The following ELAVL2 variants were observed in gnomAD, a reference collection of about 807,000 sequenced individuals.
ELAVL2 encodes ELAV-like protein 2.
Under a neutral mutation model 34.6 loss-of-function variants are expected in ELAVL2, and 4 were observed. The ratio of observed to expected loss-of-function variants is 0.12; its 90% CI spans 0.06 to 0.26. ELAVL2 has a LOEUF of 0.26. Ranked by LOEUF, ELAVL2 falls within the 10% of genes least tolerant of loss-of-function variation. The pLI, the probability that ELAVL2 is intolerant of heterozygous loss-of-function variation, is 1.00. For synonymous variants in ELAVL2, 193 were observed against 154.8 expected (o/e 1.25, Z -1.83); for missense variants, 432 against 442.8 (o/e 0.98, Z 0.22).
chr9:23,778,539 T>A (rs892915823), intron 1 of ELAVL2, among the ~76,000 whole-genome samples: 2 of 152,298 alleles, frequency 1.3e-5, no homozygotes, highest in Admixed American at 6.5e-5. Flanking sequence ...TGGGGTGCCT[T>A]CTTTCCAGCT....
At chr9:23,716,582 T>C (rs953209986) in intron 3 of ELAVL2, among the ~76,000 whole-genome samples, 11 of 152,322 alleles carry the variant, frequency 7.2e-5, no homozygotes, top group Admixed American at 2.0e-4. Flanking sequence ...CTGTCTCTTA[T>C]AAGCAATAGA....
intron 1 of ELAVL2, among the ~76,000 whole-genome samples, chr9:23,773,444 T>C (rs1210895355): frequency 2.6e-5 from 4 of 152,150 alleles, no homozygotes; most frequent in South Asian, 2.1e-4. Context: ...CAAGTTGTCT[T>C]AGTATCATTC....
chr9:23,747,233 A>G (rs2050729951), intron 2 of ELAVL2, among the ~76,000 whole-genome samples: 1 of 152,138 alleles, frequency 6.6e-6, no homozygotes, highest in Non-Finnish European at 1.5e-5. Context: ...AGCCATGGAT[A>G]ATGTGGACAA....
intron 2 of ELAVL2, among the ~76,000 whole-genome samples, chr9:23,738,865 G>A (rs1239081883): frequency 6.6e-6 from 1 of 152,046 alleles, no homozygotes; most frequent in Non-Finnish European, 1.5e-5. Flanking sequence ...AGCCATATCT[G>A]TCCCCTGATT....
At chr9:23,761,613 G>A (rs2055025829) in intron 2 of ELAVL2, among the ~76,000 whole-genome samples, 1 of 151,832 alleles carries the variant, frequency 6.6e-6, no homozygotes, top group Non-Finnish European at 1.5e-5. Context: ...ATTAACATAA[G>A]GAAAACACAT....
intron 2 of ELAVL2, chr9:23,735,274 T>A (rs2047599269): frequency 6.6e-6 from 1 of 152,052 alleles, no homozygotes; most frequent in Admixed American, 6.5e-5. Context: ...AAACCATTAA[T>A]TCAAATCTTT....
Position 23,745,957 on chromosome 9 carries a change from C to T in ELAVL2, c.230-14832G>A, listed in dbSNP as rs10966062. Among the ~76,000 whole-genome samples the T allele has an allele frequency of 8.9e-3, 1,361 of 152,262 alleles. 16 individuals are homozygous for T. The highest frequency in any genetic ancestry group is 0.03 in the African/African-American group (1,248 of 41,558). On this transcript the variant is annotated intron_variant, in intron 2 of 6. Transcript: ENST00000397312. The stretch of plus-strand genomic sequence containing the variant: ...TCAGTCATTCTTCAGGTTGTTCTTG[C>T]TCACACTCAGTGAGCAAAGTAGTGC...
intron 1 of ELAVL2, among the ~76,000 whole-genome samples, chr9:23,818,428 C>G (rs1021761305): frequency 3.9e-5 from 6 of 152,136 alleles, no homozygotes; most frequent in African/African-American, 1.2e-4. Flanking sequence ...CGGTTACAAG[C>G]TGGAAAAGCA....
At chr9:23,768,501 A>G (rs2056736040) in intron 1 of ELAVL2, among the ~76,000 whole-genome samples, 1 of 152,042 alleles carries the variant, frequency 6.6e-6, no homozygotes, top group African/African-American at 2.4e-5. Flanking sequence ...GGAAACACAA[A>G]TAATCATGAG....
intron 1 of ELAVL2, among the ~76,000 whole-genome samples, chr9:23,776,204 C>T (rs539156967): frequency 1.3e-5 from 2 of 152,304 alleles, no homozygotes; most frequent in Admixed American, 1.3e-4. Context: ...CTGTCAAGTC[C>T]TACCACTAAC....
At chr9:23,701,676 C>A in intron 4 of ELAVL2, 72 bp from the exon 5 acceptor site, 1 of 1,489,124 alleles carries the variant, frequency 6.7e-7, no homozygotes, top group Non-Finnish European at 9.2e-7. Context: ...AGAAAGGACA[C>A]ATTAATTTTT....
At chr9:23,748,823 A>G (rs1355781989) in intron 2 of ELAVL2, among the ~76,000 whole-genome samples, 1 of 152,154 alleles carries the variant, frequency 6.6e-6, no homozygotes, top group Admixed American at 6.6e-5. Flanking sequence ...GCCCAAGGGG[A>G]AAAAAACTAG....
intron 1 of ELAVL2, among the ~76,000 whole-genome samples, chr9:23,808,240 G>GTTA (rs1468856935): frequency 1.3e-5 from 2 of 152,016 alleles, no homozygotes; most frequent in Non-Finnish European, 2.9e-5. Context: ...AGCCTTAAAG[G>GTTA]TTATTTTCCT....
chr9:23,805,965 T>C (rs1344071004), intron 1 of ELAVL2, among the ~76,000 whole-genome samples: 4 of 152,232 alleles, frequency 2.6e-5, no homozygotes, highest in Middle Eastern at 3.4e-3. Flanking sequence ...TTGTATATTT[T>C]TTTCTGGGTG....
intron 3 of ELAVL2, among the ~76,000 whole-genome samples, chr9:23,705,515 T>C (rs1230544664): frequency 6.6e-6 from 1 of 152,226 alleles, no homozygotes; most frequent in Non-Finnish European, 1.5e-5. Flanking sequence ...TACAGCACAG[T>C]ACTGTTCACA....
At chr9:23,781,914 G>T (rs2136846805) in intron 1 of ELAVL2, among the ~76,000 whole-genome samples, 1 of 152,226 alleles carries the variant, frequency 6.6e-6, no homozygotes, top group Middle Eastern at 3.4e-3. Flanking sequence ...TCGATCTCCT[G>T]ACCTCGTGAG....
intron 1 of ELAVL2, among the ~76,000 whole-genome samples, chr9:23,823,537 T>C (rs965982943): frequency 1.3e-5 from 2 of 152,202 alleles, no homozygotes; most frequent in Non-Finnish European, 2.9e-5. Flanking sequence ...AAGAAGTGCC[T>C]GCTGTAAGAC....
intron 1 of ELAVL2, among the ~76,000 whole-genome samples, chr9:23,773,150 G>A (rs2057606167): frequency 6.6e-6 from 1 of 152,174 alleles, no homozygotes; most frequent in South Asian, 2.1e-4. Context: ...GGGTTGCTAA[G>A]GGCGAGAAGT....
chr9:23,782,099 G>C (rs1485494367), intron 1 of ELAVL2, among the ~76,000 whole-genome samples: 3 of 152,108 alleles, frequency 2.0e-5, no homozygotes, highest in African/African-American at 7.2e-5. Flanking sequence ...AGAATTACAG[G>C]CGTGAGCCAC....
Sources: gnomAD v4.1 joint callset for allele counts (sites outside exome capture counted in the v4.1 genomes callset) on GRCh38, gnomAD v4.1.1 for gene constraint, MANE v1.5 for transcripts, NCBI Gene and HGNC (gene_info 2026-07-23, HGNC 2026-07-21) for gene names.